Variants in DMTF1 observed in about 807,000 individuals in gnomAD.
DMTF1 encodes cyclin-D-binding Myb-like transcription factor 1.
DMTF1 carries 39 observed loss-of-function variants against 91.1 expected under a neutral mutation model. The ratio of observed to expected loss-of-function variants is 0.43; its 90% CI spans 0.33 to 0.56. The LOEUF (loss-of-function observed/expected upper bound fraction) is 0.56. DMTF1 is among the 20% of genes least tolerant of loss of function. The pLI is 0.05. For synonymous variants in DMTF1, 338 were observed against 309.5 expected (o/e 1.09, Z -0.97); for missense variants, 750 against 914.5 (o/e 0.82, Z 2.32).
intron 6 of DMTF1, among the ~76,000 whole-genome samples, chr7:87,173,895 T>G (rs947977070): frequency 3.3e-5 from 5 of 152,228 alleles, no homozygotes; most frequent in African/African-American, 1.2e-4. Context: ...TGTTAATTTT[T>G]GAACAAATGC....
intron 7 of DMTF1, among the ~76,000 whole-genome samples, chr7:87,178,115 G>A (rs958512481): frequency 6.6e-6 from 1 of 151,970 alleles, no homozygotes; most frequent in East Asian, 1.9e-4. Context: ...TTAAGAACAT[G>A]GTATAACTTC....
rs547873638 is a variant in DMTF1, at chr7:87,169,485, C to G, written c.233-1510C>G. On this transcript the variant is annotated intron_variant, in intron 4 of 17. Coordinates refer to ENST00000331242, the MANE Select transcript of DMTF1 (RefSeq NM_001142327.2). ...AAATAAATAAAAAGTTCCTTTAGCT[C>G]ACTTTTGGTTCTTACTCAATTTTCC... 9.2e-5 allele frequency among the ~76,000 whole-genome samples: 14 copies of G among 152,230 alleles called. No individual in the cohort carries two copies. In the East Asian group the frequency reaches 2.7e-3, roughly 29 times the overall value.
intron 1 of DMTF1, among the ~76,000 whole-genome samples, chr7:87,162,053 C>T (rs889777757): frequency 2.6e-5 from 4 of 152,152 alleles, no homozygotes; most frequent in Non-Finnish European, 5.9e-5. Flanking sequence ...TGTCCAGTAA[C>T]GGATAACTGT....
intron 4 of DMTF1, among the ~76,000 whole-genome samples, chr7:87,169,075 A>G (rs898068866): frequency 8.5e-5 from 13 of 152,168 alleles, no homozygotes; most frequent in African/African-American, 3.1e-4. Flanking sequence ...CATTGTTCCA[A>G]TAATTATTTT....
chr7:87,154,051 T>A (rs901167966), intron 1 of DMTF1, among the ~76,000 whole-genome samples: 1 of 152,248 alleles, frequency 6.6e-6, no homozygotes, highest in African/African-American at 2.4e-5. Context: ...CACCAAAATC[T>A]TATCTTTTTG....
chr7:87,174,731 A>G (rs770707081), intron 7 of DMTF1, 62 bp downstream of exon 7: 2 of 1,185,626 alleles, frequency 1.7e-6, no homozygotes, highest in Non-Finnish European at 2.5e-6. Context: ...AAAAATATCA[A>G]CACAGAATGT....
chr7:87,193,700 T>C (rs200484108), intron 15 of DMTF1, 25 bp from the exon 16 acceptor site: 1 of 1,559,566 alleles, frequency 6.4e-7, no homozygotes, highest in Admixed American at 1.9e-5. Flanking sequence ...TTTACAACTT[T>C]AACAGGTTCT....
At chr7:87,179,049 A>T (rs1796828680) in intron 7 of DMTF1, among the ~76,000 whole-genome samples, 1 of 151,958 alleles carries the variant, frequency 6.6e-6, no homozygotes, top group African/African-American at 2.4e-5. Flanking sequence ...CATTTCTGTT[A>T]ATGGTCTAAT....
chr7:87,153,990 A>G (rs1790020386), intron 1 of DMTF1, among the ~76,000 whole-genome samples: 1 of 152,238 alleles, frequency 6.6e-6, no homozygotes, highest in South Asian at 2.1e-4. Context: ...TCTTTTAATA[A>G]CTTGAATAAT....
intron 5 of DMTF1, among the ~76,000 whole-genome samples, chr7:87,173,027 T>C (rs1158818845): frequency 6.6e-6 from 1 of 152,238 alleles, no homozygotes; most frequent in East Asian, 1.9e-4. Flanking sequence ...ATTGTGCCTG[T>C]TAATATTTTA....
At chr7:87,168,460 C>T (rs1398791813) in intron 4 of DMTF1, among the ~76,000 whole-genome samples, 1 of 152,172 alleles carries the variant, frequency 6.6e-6, no homozygotes, top group African/African-American at 2.4e-5. Flanking sequence ...TCCTGTAGGG[C>T]TCTAACTCTG....
chr7:87,160,859 A>G (rs1042864436), intron 1 of DMTF1, among the ~76,000 whole-genome samples: 3 of 151,914 alleles, frequency 2.0e-5, no homozygotes, highest in East Asian at 1.9e-4. Flanking sequence ...TGACTTCCCA[A>G]ATTTAGTGGA....
chr7:87,157,153 T>G (rs1308305737), intron 1 of DMTF1, among the ~76,000 whole-genome samples: 1 of 152,176 alleles, frequency 6.6e-6, no homozygotes, highest in Admixed American at 6.5e-5. Flanking sequence ...CCTTACTGCC[T>G]TATTAGTTGA....
At chr7:87,166,896 T>A (rs772596767) in intron 4 of DMTF1, among the ~76,000 whole-genome samples, 1 of 152,148 alleles carries the variant, frequency 6.6e-6, no homozygotes, top group Non-Finnish European at 1.5e-5. Context: ...TTACAAAATG[T>A]CCTCAAAAAT....
At chr7:87,174,512 T>G (rs1421005438) in intron 6 of DMTF1, 81 bp from the exon 7 acceptor site, 1 of 955,562 alleles carries the variant, frequency 1.0e-6, no homozygotes, top group African/African-American at 1.7e-5. Flanking sequence ...CAAATATAAT[T>G]TAATCACAAA....
chr7:87,193,959 G>A lies in DMTF1; in HGVS notation c.1885G>A (p.Asp629Asn), dbSNP rs1451887537. 5 of 1,613,374 alleles carry A rather than the reference G, an allele frequency of 3.1e-6. No homozygotes were observed. The highest frequency in any genetic ancestry group is 1.7e-5 in the Admixed American group (1 of 59,888). ...PKMTVEPSFN[D>N]AHVSKFSDQN... ...GATGACTGTGGAGCCATCATTTAAT[G>A]ATGCTCATGTATCCAAATTCAGTGA... The change falls in exon 16 of 18, where the codon GAT (aspartate) becomes AAT (asparagine). Residue 629 changes from aspartate (D) to asparagine (N), a missense_variant. Transcript: ENST00000331242.
At chr7:87,188,790 T>C (rs183383783) in intron 13 of DMTF1, among the ~76,000 whole-genome samples, 2 of 152,276 alleles carry the variant, frequency 1.3e-5, no homozygotes, top group African/African-American at 4.8e-5. Context: ...TATTGGGAAC[T>C]GTGTTTGGAC....
At chr7:87,159,610 A>G (rs1489363717) in intron 1 of DMTF1, among the ~76,000 whole-genome samples, 1 of 152,134 alleles carries the variant, frequency 6.6e-6, no homozygotes, top group African/African-American at 2.4e-5. Flanking sequence ...AATTGTGTTT[A>G]TTTTTCTTCT....
rs184064757 is a variant in DMTF1 at position 87,174,475 on chromosome 7, G to A, written c.443-118G>A. The A allele has an allele frequency of 1.3e-4, 83 of 657,906 alleles. No homozygotes were observed. The African/African-American group carries it at 1.3e-3, about 10-fold the overall frequency. The allele number at this position is 657,906 out of a possible 1,614,324, so 40.8% of individuals were successfully genotyped here. ...GACCTTTCAGATTTCAGAGGAATGA[G>A]AAATGAAATTAGCTAAATTTTATCC... On this transcript the variant is annotated intron_variant, in intron 6 of 17. Transcript: ENST00000331242.
Sources: gnomAD v4.1 joint callset for allele counts (sites outside exome capture counted in the v4.1 genomes callset) on GRCh38, gnomAD v4.1.1 for gene constraint, MANE v1.5 for transcripts, NCBI Gene and HGNC (gene_info 2026-07-23, HGNC 2026-07-21) for gene names.